The following PRKG1 variants were observed in gnomAD, a reference collection of about 807,000 sequenced individuals.
The protein encoded by PRKG1 is protein kinase cGMP-dependent 1.
A neutral mutation model predicts 88.1 loss-of-function variants in PRKG1; 35 were observed. The observed-to-expected ratio is 0.40, with a 90% confidence interval of 0.30 to 0.53. The LOEUF (loss-of-function observed/expected upper bound fraction) is 0.53, where lower values mean the gene tolerates loss of function less well. Ranked by LOEUF, PRKG1 falls within the 20% of genes least tolerant of loss-of-function variation. PRKG1 has a pLI of 0.59. For synonymous variants in PRKG1, 303 were observed against 292.5 expected (o/e 1.04, Z -0.37); for missense variants, 540 against 839.8 (o/e 0.64, Z 4.41).
At chr10:51,697,830 G>T in intron 3 of PRKG1, 1 of 1,614,126 alleles carries the variant, frequency 6.2e-7, no homozygotes, top group Non-Finnish European at 8.5e-7. Flanking sequence ...GCCTTCTCCT[G>T]ATCCTGTGGA....
chr10:51,055,697 C>T (rs1472474838), intron 1 of PRKG1, among the ~76,000 whole-genome samples: 1 of 151,832 alleles, frequency 6.6e-6, no homozygotes, highest in African/African-American at 2.4e-5. Context: ...GAGATCGTGC[C>T]ACTGCAGTCC....
At chr10:51,746,361 G>C (rs1837578080) in intron 3 of PRKG1, among the ~76,000 whole-genome samples, 1 of 151,514 alleles carries the variant, frequency 6.6e-6, no homozygotes, top group Admixed American at 6.6e-5. Context: ...CTTACCTGTG[G>C]GCCATTCTCA....
At chr10:51,930,789 C>G (rs1431075611) in intron 5 of PRKG1, among the ~76,000 whole-genome samples, 4 of 151,822 alleles carry the variant, frequency 2.6e-5, no homozygotes, top group Non-Finnish European at 5.9e-5. Context: ...CTGCGCCTGG[C>G]CAAAATGAAC....
At chr10:51,032,915 T>G (rs555064927) in intron 1 of PRKG1, among the ~76,000 whole-genome samples, 1 of 152,292 alleles carries the variant, frequency 6.6e-6, no homozygotes, top group South Asian at 2.1e-4. Flanking sequence ...ACATGAGATG[T>G]TTTGATACAG....
At chr10:51,344,854 C>A (rs1245987029) in intron 2 of PRKG1, among the ~76,000 whole-genome samples, 1 of 152,024 alleles carries the variant, frequency 6.6e-6, no homozygotes, top group Non-Finnish European at 1.5e-5. Context: ...CTCCCTTTGC[C>A]CCCGATGAAT....
chr10:52,178,870 AG>A (rs1838936822), intron 9 of PRKG1, among the ~76,000 whole-genome samples: 1 of 148,992 alleles, frequency 6.7e-6, no homozygotes, highest in Non-Finnish European at 1.5e-5. Flanking sequence ...CTTCCTTTTC[AG>A]TCTGTGTGTG....
chr10:52,157,317 A>ATATATATATATATATATATATATG (rs1164115950), intron 8 of PRKG1, among the ~76,000 whole-genome samples: 3 of 43,598 alleles, frequency 6.9e-5, no homozygotes, highest in African/African-American at 3.4e-4. Context: ...ATATATATAT[A>ATATATATATATATATATATATATG]TATATATATA....
intron 2 of PRKG1, among the ~76,000 whole-genome samples, chr10:51,436,436 G>A (rs1838933516): frequency 1.3e-5 from 2 of 151,878 alleles, no homozygotes; most frequent in Non-Finnish European, 2.9e-5. Flanking sequence ...GTATGTCCTG[G>A]GTGAGCTAAA....
At chr10:51,184,186 C>T (rs903706260) in intron 2 of PRKG1, among the ~76,000 whole-genome samples, 2 of 152,166 alleles carry the variant, frequency 1.3e-5, no homozygotes, top group African/African-American at 4.8e-5. Flanking sequence ...AAGTACATTT[C>T]ATGGTGTTTT....
rs372334854 is a variant in PRKG1, at chr10:51,730,512, G to T, written c.593-74073G>T. Among the ~76,000 whole-genome samples the T allele has an allele frequency of 4.6e-5, 7 of 152,186 alleles. No individual in the cohort carries two copies. In the East Asian group the frequency reaches 5.8e-4, roughly 13 times the overall value. ...CTTTTTTTCTTTCTTTTCCCCCCTG[G>T]CTTGCTTCCAGAATTCATATGTAAG... On this transcript the variant is annotated intron_variant, in intron 3 of 17. Coordinates refer to ENST00000373980, the MANE Select transcript of PRKG1 (RefSeq NM_006258.4).
intron 2 of PRKG1, among the ~76,000 whole-genome samples, chr10:51,163,789 AT>A (rs1344258326): frequency 6.6e-6 from 1 of 152,198 alleles, no homozygotes; most frequent in Non-Finnish European, 1.5e-5. Context: ...AGTCTCGCTG[AT>A]TGCTAGCACA....
At position 51,971,070 on chromosome 10, in the gene PRKG1, A is replaced by T. The variant is rs375414973; in HGVS notation, c.762+63500A>T. ...AACATTGATGAATCTCACAAATATG[A>T]TTCTAAACAAAAGAAGAACAGAGTA... On this transcript the variant is annotated intron_variant, in intron 5 of 17. Coordinates refer to ENST00000373980, the MANE Select transcript of PRKG1 (RefSeq NM_006258.4). 2.6e-4 allele frequency among the ~76,000 whole-genome samples: 39 copies of T among 148,848 alleles called. No individual in the cohort carries two copies. In the East Asian group the frequency reaches 7.4e-3, roughly 28 times the overall value.
intron 1 of PRKG1, among the ~76,000 whole-genome samples, chr10:51,009,324 G>C (rs1198511612): frequency 2.0e-5 from 3 of 152,108 alleles, no homozygotes; most frequent in Non-Finnish European, 2.9e-5. Flanking sequence ...TATACATTTT[G>C]AAACACAGTT....
At position 51,908,735 on chromosome 10, in the gene PRKG1, T is replaced by TCTATATATA. The variant is rs778365205; in HGVS notation, c.762+1165_762+1166insCTATATATA. 3 of 77,828 alleles carry TCTATATATA rather than the reference T, an allele frequency of 3.9e-5. 1 individual carries two copies. The highest frequency in any genetic ancestry group is 8.2e-5 in the Non-Finnish European group (3 of 36,672). 4.8% of individuals were successfully genotyped at this position (77,828 alleles called of 1,614,324 possible). On this transcript the variant is annotated intron_variant, in intron 5 of 17. Transcript: ENST00000373980. The stretch of plus-strand genomic sequence containing the variant: ...TCTCTGTCTATCTATCTATATGTAA[T>TCTATATATA]TTTTTTTTTTTTGAGACAGTGTCTT...
At chr10:52,002,705 G>A (rs1031419480) in intron 5 of PRKG1, among the ~76,000 whole-genome samples, 1 of 152,096 alleles carries the variant, frequency 6.6e-6, no homozygotes, top group East Asian at 1.9e-4. Flanking sequence ...AGATGTAAAA[G>A]ATGAGTTTAT....
intron 3 of PRKG1, among the ~76,000 whole-genome samples, chr10:51,727,200 G>C (rs967539370): frequency 2.6e-5 from 4 of 151,404 alleles, no homozygotes; most frequent in Non-Finnish European, 5.9e-5. Flanking sequence ...CAGCTATTTG[G>C]GGGGCTGAGA....
At chr10:51,062,728 TTC>T (rs1350713717) in intron 1 of PRKG1, 21 of 152,308 alleles carry the variant, frequency 1.4e-4, no homozygotes, top group Admixed American at 1.3e-3. Flanking sequence ...GTTCAAGCGA[TTC>T]TCCTGCCGCA....
At chr10:51,683,000 T>C (rs1420387664) in intron 3 of PRKG1, among the ~76,000 whole-genome samples, 2 of 152,184 alleles carry the variant, frequency 1.3e-5, no homozygotes, top group African/African-American at 4.8e-5. Context: ...AATAATTCCT[T>C]TCATATTTTA....
At chr10:51,676,606 C>T (rs1427416134) in intron 3 of PRKG1, among the ~76,000 whole-genome samples, 1 of 152,044 alleles carries the variant, frequency 6.6e-6, no homozygotes, top group Non-Finnish European at 1.5e-5. Context: ...GACAGTTGTA[C>T]CTCCATTTCC....
Sources: gnomAD v4.1 joint callset for allele counts (sites outside exome capture counted in the v4.1 genomes callset) on GRCh38, gnomAD v4.1.1 for gene constraint, MANE v1.5 for transcripts, NCBI Gene and HGNC (gene_info 2026-07-23, HGNC 2026-07-21) for gene names.